DCLK1: variants seen among roughly 807,000 people sequenced by gnomAD.
DCLK1 encodes serine/threonine-protein kinase DCLK1.
DCLK1 carries 16 observed loss-of-function variants against 86.2 expected under a neutral mutation model. The ratio of observed to expected loss-of-function variants is 0.19; its 90% CI spans 0.13 to 0.28. The LOEUF (loss-of-function observed/expected upper bound fraction) is 0.28. Ranked by LOEUF, DCLK1 falls within the 10% of genes least tolerant of loss-of-function variation. The pLI is 1.00. For missense variants in DCLK1, 590 were observed against 940.2 expected, an observed-to-expected ratio of 0.63 and a Z score of 4.87; for synonymous variants, 369 against 370.5, an observed-to-expected ratio of 1.00 and a Z score of 0.05.
chr13:35,894,171 G>A (rs1873810875), intron 4 of DCLK1, among the ~76,000 whole-genome samples: 1 of 151,984 alleles, frequency 6.6e-6, no homozygotes, highest in African/African-American at 2.4e-5. Flanking sequence ...CCTTGTATCT[G>A]AAATACTTCT....
intron 3 of DCLK1, among the ~76,000 whole-genome samples, chr13:35,973,297 G>T (rs1159906274): frequency 1.3e-5 from 2 of 152,222 alleles, no homozygotes; most frequent in Non-Finnish European, 2.9e-5. Flanking sequence ...CCACTTGGAG[G>T]ATCCCAGGCC....
chr13:35,988,914 T>G lies in DCLK1; in HGVS notation c.724-41457A>C, dbSNP rs1191045594. Among the ~76,000 whole-genome samples the G allele has an allele frequency of 2.6e-5, 4 of 151,986 alleles. No homozygotes were observed. In the East Asian group the frequency reaches 7.8e-4, roughly 30 times the overall value. ...AATCTTTGCGGCCGCCCAAAACAAC[T>G]CACAGGGTATCATCAGCACACGCCA... On this transcript the variant is annotated intron_variant, in intron 3 of 16. Coordinates refer to ENST00000360631, the MANE Select transcript of DCLK1 (RefSeq NM_001330071.2).
At chr13:36,102,661 A>C (rs1885257151) in intron 3 of DCLK1, among the ~76,000 whole-genome samples, 1 of 152,252 alleles carries the variant, frequency 6.6e-6, no homozygotes, top group East Asian at 1.9e-4. Context: ...TGTACAAAAC[A>C]AGACTGGACT....
chr13:35,947,530 A>G, intron 3 of DCLK1, 73 bp from the exon 4 acceptor site: 2 of 1,249,002 alleles, frequency 1.6e-6, no homozygotes, highest in Non-Finnish European at 2.3e-6. Flanking sequence ...CCACGAGCAG[A>G]CATCTGCATA....
intron 16 of DCLK1, among the ~76,000 whole-genome samples, chr13:35,792,218 G>T (rs1193389716): frequency 2.0e-5 from 3 of 152,156 alleles, no homozygotes; most frequent in Non-Finnish European, 2.9e-5. Flanking sequence ...CTATTGAAAG[G>T]GTTCAATCGA....
At chr13:35,946,791 C>T (rs1265685194) in intron 4 of DCLK1, among the ~76,000 whole-genome samples, 1 of 152,186 alleles carries the variant, frequency 6.6e-6, no homozygotes, top group African/African-American at 2.4e-5. Context: ...TTTCCTAAGA[C>T]ATGTATTTCC....
Position 35,772,274 on chromosome 13 carries a change from G to C in DCLK1, c.*2261C>G, listed in dbSNP as rs918235192. 7.9e-5 allele frequency: 12 copies of C among 151,836 alleles called. No homozygotes were observed. Among genetic ancestry groups the C allele is most frequent in the African/African-American group, 2.7e-4 (11 of 41,290 alleles). The allele number at this position is 151,836 out of a possible 1,614,324, so 9.4% of individuals were successfully genotyped here. On this transcript the variant is annotated 3_prime_UTR_variant, in exon 17 of 17. Coordinates refer to ENST00000360631, the MANE Select transcript of DCLK1 (RefSeq NM_001330071.2). ...TCCCCCTAGACGTCGATGGGAAAAG[G>C]CCTGAGCCATGCACCGCAGGCTCAG...
At chr13:35,850,753 C>G in intron 6 of DCLK1, 4 of 1,602,088 alleles carry the variant, frequency 2.5e-6, no homozygotes, top group East Asian at 2.3e-5. Flanking sequence ...CCAAGTCATC[C>G]GAAGAGAGGG....
chr13:35,794,683 ATTTCT>A (rs1251271366), intron 15 of DCLK1, among the ~76,000 whole-genome samples: 2 of 152,150 alleles, frequency 1.3e-5, no homozygotes, highest in Non-Finnish European at 2.9e-5. Flanking sequence ...CCTCTGCTCC[ATTTCT>A]TTTCTTCGTA....
At chr13:35,782,242 TG>T (rs908076420) in intron 16 of DCLK1, among the ~76,000 whole-genome samples, 28 of 152,264 alleles carry the variant, frequency 1.8e-4, no homozygotes, top group African/African-American at 6.7e-4. Context: ...AGCTCTGCAG[TG>T]GGTTTCTGAT....
Position 36,070,331 on chromosome 13 carries a change from T to A in DCLK1, c.723+41538A>T, listed in dbSNP as rs189034960. On this transcript the variant is annotated intron_variant, in intron 3 of 16. Coordinates refer to ENST00000360631, the MANE Select transcript of DCLK1 (RefSeq NM_001330071.2). Reference sequence around the variant, plus strand: ...AGCAACAAAGCCCATGAAAGTCTTTTGAAAAGGGCTGAGTACTCTATAAAC... The same window carrying A: ...AGCAACAAAGCCCATGAAAGTCTTTAGAAAAGGGCTGAGTACTCTATAAAC... Among the ~76,000 whole-genome samples, 29 of 152,296 alleles carry A rather than the reference T, an allele frequency of 1.9e-4. 1 individual carries two copies. The East Asian group carries it at 5.6e-3, about 29-fold the overall frequency.
chr13:35,796,047 T>A (rs1459082031), intron 15 of DCLK1, among the ~76,000 whole-genome samples: 2 of 152,154 alleles, frequency 1.3e-5, no homozygotes, highest in African/African-American at 4.8e-5. Flanking sequence ...TTTTGACAGT[T>A]TTTCCACATT....
intron 3 of DCLK1, among the ~76,000 whole-genome samples, chr13:36,006,473 T>C (rs1396143000): frequency 6.6e-6 from 1 of 152,242 alleles, no homozygotes; most frequent in Admixed American, 6.5e-5. Flanking sequence ...TTTGTATGTA[T>C]GTTTACATTT....
intron 4 of DCLK1, among the ~76,000 whole-genome samples, chr13:35,912,126 C>T (rs1875076590): frequency 6.6e-6 from 1 of 152,174 alleles, no homozygotes; most frequent in Non-Finnish European, 1.5e-5. Context: ...TGAATCCTTC[C>T]TTGAATTCTT....
intron 3 of DCLK1, among the ~76,000 whole-genome samples, chr13:36,064,226 A>C (rs1883662453): frequency 6.6e-6 from 1 of 152,238 alleles, no homozygotes; most frequent in Admixed American, 6.5e-5. Flanking sequence ...ACAAAGCTTT[A>C]GGCATCACTG....
intron 3 of DCLK1, among the ~76,000 whole-genome samples, chr13:36,018,981 C>A (rs964115546): frequency 6.6e-6 from 1 of 152,090 alleles, no homozygotes; most frequent in African/African-American, 2.4e-5. Context: ...ATATTATAGA[C>A]CCAATTGCTT....
chr13:35,997,719 C>CA (rs1880533779), intron 3 of DCLK1, among the ~76,000 whole-genome samples: 1 of 152,158 alleles, frequency 6.6e-6, no homozygotes, highest in African/African-American at 2.4e-5. Context: ...AACTTCCCCC[C>CA]AAACCAAAAC....
intron 4 of DCLK1, among the ~76,000 whole-genome samples, chr13:35,932,239 T>C (rs1476409510): frequency 6.6e-6 from 1 of 152,190 alleles, no homozygotes; most frequent in Non-Finnish European, 1.5e-5. Flanking sequence ...TTTCATCTTC[T>C]CCTGACCTTG....
At chr13:36,035,700 G>C (rs946305571) in intron 3 of DCLK1, among the ~76,000 whole-genome samples, 4 of 152,106 alleles carry the variant, frequency 2.6e-5, no homozygotes, top group Non-Finnish European at 5.9e-5. Flanking sequence ...CACCATGCTG[G>C]CTTGTGCTGA....
Sources: allele counts gnomAD v4.1 joint callset (sites outside exome capture counted in the v4.1 genomes callset), GRCh38; gene constraint gnomAD v4.1.1; transcripts MANE v1.5; gene names NCBI Gene and HGNC (gene_info 2026-07-23, HGNC 2026-07-21).